The following HMBOX1 variants were observed in gnomAD, a reference collection of about 807,000 sequenced individuals.
The protein encoded by HMBOX1 is homeobox-containing protein 1.
Under a neutral mutation model 54.5 loss-of-function variants are expected in HMBOX1, and 14 were observed. The observed-to-expected ratio is 0.26, with a 90% CI of 0.17 to 0.40. The LOEUF (loss-of-function observed/expected upper bound fraction) is 0.40. HMBOX1 is among the 10% of genes least tolerant of loss of function. The pLI, the probability that HMBOX1 is intolerant of heterozygous loss-of-function variation, is 1.00. For missense variants in HMBOX1, 332 were observed against 514.4 expected (o/e 0.65, Z 3.43); for synonymous variants, 160 against 181.0 (o/e 0.88, Z 0.93).
Position 28,902,397 on chromosome 8 carries a change from T to C in HMBOX1, c.-58+11719T>C, listed in dbSNP as rs144531597. 3.1e-3 allele frequency among the ~76,000 whole-genome samples: 477 copies of C among 152,298 alleles called. 1 individual carries two copies. Among genetic ancestry groups the C allele is most frequent in the Non-Finnish European group, 5.5e-3 (371 of 68,016 alleles). On this transcript the variant is annotated intron_variant, in intron 1 of 9. Transcript: ENST00000287701. ...CCCACTTATTTAGCCAACAATGAGT[T>C]AGATGTAGGCCTACCGTTCAGGAAG...
chr8:28,932,551 T>G (rs1819646531), intron 1 of HMBOX1, among the ~76,000 whole-genome samples: 2 of 152,206 alleles, frequency 1.3e-5, no homozygotes, highest in Non-Finnish European at 1.5e-5. Context: ...TTAGCAGTAT[T>G]TCAGTCGACT....
At chr8:28,992,887 A>AAAAAAAAG (rs1831205533) in intron 4 of HMBOX1, among the ~76,000 whole-genome samples, 1 of 150,350 alleles carries the variant, frequency 6.7e-6, no homozygotes, top group African/African-American at 2.4e-5. Context: ...AAAAAAAAAA[A>AAAAAAAAG]AAAAAAAGGA....
intron 4 of HMBOX1, among the ~76,000 whole-genome samples, chr8:29,000,664 TA>T: frequency 6.6e-6 from 1 of 152,358 alleles, no homozygotes; most frequent in East Asian, 1.9e-4. Flanking sequence ...GCCTTGCAAA[TA>T]AAGATTTCCA....
intron 2 of HMBOX1, among the ~76,000 whole-genome samples, chr8:28,966,330 T>C (rs963398119): frequency 5.9e-5 from 9 of 152,236 alleles, no homozygotes; most frequent in Admixed American, 5.2e-4. Flanking sequence ...AATTGTTCTT[T>C]TATGCCTTAA....
intron 8 of HMBOX1, 111 bp downstream of exon 8, chr8:29,047,564 CTTTT>C (rs33978272): frequency 6.2e-3 from 1,886 of 306,390 alleles, no homozygotes; most frequent in South Asian, 7.4e-3. Flanking sequence ...CCTAACTTCT[CTTTT>C]TTTTTTTTTT....
chr8:28,991,734 A>G (rs1187413751), intron 4 of HMBOX1, among the ~76,000 whole-genome samples: 1 of 151,960 alleles, frequency 6.6e-6, no homozygotes, highest in Non-Finnish European at 1.5e-5. Context: ...AAGCCCTTCC[A>G]TTGCTGAACA....
Position 29,051,521 on chromosome 8 carries a change from C to T in HMBOX1, c.*366C>T, listed in dbSNP as rs1297240251. 9 of 702,792 alleles carry T rather than the reference C, an allele frequency of 1.3e-5. No individual in the cohort carries two copies. Among genetic ancestry groups the T allele is most frequent in the Non-Finnish European group, 2.1e-5 (8 of 384,960 alleles). 43.5% of individuals were successfully genotyped at this position (702,792 alleles called of 1,614,324 possible). The stretch of plus-strand genomic sequence containing the variant: ...CTTGGGTACCTTTAGATTCTTGTAA[C>T]ACTAGTCTGTACTCCCTTTTCCTTC... On this transcript the variant is annotated 3_prime_UTR_variant, in exon 10 of 10. Transcript: ENST00000287701.
At chr8:29,043,868 C>T (rs868516804) in intron 6 of HMBOX1, among the ~76,000 whole-genome samples, 1 of 152,006 alleles carries the variant, frequency 6.6e-6, no homozygotes, top group Admixed American at 6.6e-5. Flanking sequence ...AAAAATCCTC[C>T]GTATGAACAC....
rs148663269 is a variant in HMBOX1 at position 28,895,988 on chromosome 8, T to C, written c.-58+5310T>C. On this transcript the variant is annotated intron_variant, in intron 1 of 9. Transcript: ENST00000287701. ...ATTTGATTGTCAACCATACTTTGCC[T>C]GTAATCCTTTAGTGGCTCCTCAGAC... is the stretch of plus-strand genomic sequence containing the variant. Among the ~76,000 whole-genome samples the C allele has an allele frequency of 4.9e-3, 746 of 152,336 alleles. 7 individuals carry two copies. The highest frequency in any genetic ancestry group is 7.9e-3 in the Non-Finnish European group (535 of 68,032).
intron 3 of HMBOX1, among the ~76,000 whole-genome samples, chr8:28,978,101 A>G (rs971025387): frequency 4.6e-5 from 7 of 152,294 alleles, no homozygotes; most frequent in African/African-American, 1.2e-4. Flanking sequence ...AGGATTTCCA[A>G]CTGATAGATC....
At chr8:29,011,238 A>C (rs1834184317) in intron 5 of HMBOX1, among the ~76,000 whole-genome samples, 1 of 152,202 alleles carries the variant, frequency 6.6e-6, no homozygotes. Context: ...ACTGGAGAAA[A>C]ATACTTTGTA....
intron 9 of HMBOX1, 109 bp from the exon 10 acceptor site, chr8:29,050,909 C>T (rs1473768836): frequency 2.9e-6 from 3 of 1,030,858 alleles, no homozygotes; most frequent in East Asian, 2.5e-5. Context: ...GAGCCCCTCC[C>T]CCAGTTTCCT....
At chr8:28,933,682 T>C (rs1819883959) in intron 1 of HMBOX1, among the ~76,000 whole-genome samples, 1 of 152,198 alleles carries the variant, frequency 6.6e-6, no homozygotes, top group Non-Finnish European at 1.5e-5. Flanking sequence ...TTTATTCCTG[T>C]AAATTTGACA....
chr8:29,009,900 C>A, intron 5 of HMBOX1: 1 of 1,112,350 alleles, frequency 9.0e-7, no homozygotes, highest in Non-Finnish European at 1.1e-6. Context: ...AGTGAGCCTG[C>A]CCTCATGTGT....
intron 1 of HMBOX1, chr8:28,915,807 C>G (rs1417565342): frequency 6.6e-6 from 1 of 151,874 alleles, no homozygotes; most frequent in Non-Finnish European, 1.5e-5. Context: ...TTCAAGTGAT[C>G]CTCTTGTCTC....
At chr8:29,029,399 GT>G (rs930685659) in intron 6 of HMBOX1, among the ~76,000 whole-genome samples, 3 of 152,168 alleles carry the variant, frequency 2.0e-5, no homozygotes, top group African/African-American at 7.2e-5. Flanking sequence ...CTATCTGGAT[GT>G]TTCTTTGGAC....
At chr8:28,922,090 A>G (rs1336544333) in intron 1 of HMBOX1, among the ~76,000 whole-genome samples, 1 of 152,242 alleles carries the variant, frequency 6.6e-6, no homozygotes, top group Non-Finnish European at 1.5e-5. Flanking sequence ...TCCCACATCC[A>G]TGGATTTATG....
At chr8:28,996,675 G>A (rs1055783071) in intron 4 of HMBOX1, among the ~76,000 whole-genome samples, 2 of 152,124 alleles carry the variant, frequency 1.3e-5, no homozygotes, top group Non-Finnish European at 2.9e-5. Context: ...CTAAGAAAAC[G>A]CCTATTCCCA....
At chr8:28,999,726 A>G (rs1457674831) in intron 4 of HMBOX1, among the ~76,000 whole-genome samples, 4 of 151,878 alleles carry the variant, frequency 2.6e-5, no homozygotes, top group African/African-American at 9.7e-5. Flanking sequence ...CAAAATTTCT[A>G]TTTGGTTCTT....
Sources: gnomAD v4.1 joint callset for allele counts (sites outside exome capture counted in the v4.1 genomes callset) on GRCh38, gnomAD v4.1.1 for gene constraint, MANE v1.5 for transcripts, NCBI Gene and HGNC (gene_info 2026-07-23, HGNC 2026-07-21) for gene names.